TFB2M: variants seen among roughly 807,000 people sequenced by gnomAD.
The protein encoded by TFB2M is transcription factor B2, mitochondrial.
In TFB2M, 44 loss-of-function variants were observed where a neutral mutation model predicts 41.3. That is an observed-to-expected ratio of 1.07 (90% CI 0.84 to 1.37). The LOEUF is 1.37. TFB2M is among the 40% of genes most tolerant of loss of function. TFB2M has a pLI of 0.00. For missense variants in TFB2M, 496 were observed against 490.2 expected (o/e 1.01, Z -0.11); for synonymous variants, 188 against 176.8 (o/e 1.06, Z -0.50).
At chr1:246,545,811 C>G (rs1329680389) in intron 6 of TFB2M, among the ~76,000 whole-genome samples, 6 of 51,412 alleles carry the variant, frequency 1.2e-4, no homozygotes, top group Non-Finnish European at 1.7e-4. Flanking sequence ...GACCCTGATT[C>G]GAAAAAAAAA....
intron 2 of TFB2M, among the ~76,000 whole-genome samples, chr1:246,561,830 C>A (rs527822675): frequency 6.6e-6 from 1 of 152,132 alleles, no homozygotes; most frequent in South Asian, 2.1e-4. Flanking sequence ...TAAATAGAAA[C>A]AAAGACATTT....
rs759991572 is a variant in TFB2M at position 246,566,140 on chromosome 1, T to A, written c.-2A>T. Reference sequence around the variant, plus strand: ...AAGCCCGACCACTGGGATCCACATGTCCTTGTCTCTCAGGCCCGCTCCAAG... The same window carrying A: ...AAGCCCGACCACTGGGATCCACATGACCTTGTCTCTCAGGCCCGCTCCAAG... On this transcript the variant is annotated 5_prime_UTR_variant, in exon 1 of 8. Coordinates refer to ENST00000366514, the MANE Select transcript of TFB2M (RefSeq NM_022366.3). The A allele has an allele frequency of 1.2e-6, 2 of 1,603,776 alleles. No individual in the cohort carries two copies. Among genetic ancestry groups the A allele is most frequent in the Non-Finnish European group, 1.7e-6 (2 of 1,172,506 alleles).
At chr1:246,559,113 C>CT (rs1429828877) in intron 2 of TFB2M, among the ~76,000 whole-genome samples, 4 of 152,066 alleles carry the variant, frequency 2.6e-5, no homozygotes, top group Non-Finnish European at 5.9e-5. Flanking sequence ...TAGTAAAATA[C>CT]TTTTTCTTCT....
chr1:246,564,627 A>G (rs185571030), intron 1 of TFB2M, among the ~76,000 whole-genome samples, 193 bp from the exon 2 acceptor site: 1 of 152,326 alleles, frequency 6.6e-6, no homozygotes, highest in African/African-American at 2.4e-5. Context: ...TCCAGCGTCA[A>G]AAGTGATGCA....
intron 7 of TFB2M, among the ~76,000 whole-genome samples, chr1:246,542,739 A>G (rs1658896973): frequency 6.6e-6 from 1 of 152,178 alleles, no homozygotes; most frequent in Non-Finnish European, 1.5e-5. Flanking sequence ...CACTGAGATT[A>G]CCAGGAGCAT....
In TFB2M at chr1:246,566,124, C is replaced by T. The variant is rs751921867; in HGVS notation, c.15G>A (p.Val5=). 6.2e-7 allele frequency: 1 copy of T among 1,609,604 alleles called. No homozygotes were observed. The highest frequency in any genetic ancestry group is 8.5e-7 in the Non-Finnish European group (1 of 1,176,830). MWIP[V]VGLPRRLRLS... ...GCCTCAGCCGCCGAGGAAGCCCGACCACTGGGATCCACATGTCCTTGTCTC... is the reference window on the plus strand; with the variant it reads ...GCCTCAGCCGCCGAGGAAGCCCGACTACTGGGATCCACATGTCCTTGTCTC... Residue 5 remains valine (V), a synonymous_variant, in exon 1 of 8, where the codon GTG becomes GTA. Transcript: ENST00000366514.
At chr1:246,562,336 T>C (rs1659478255) in intron 2 of TFB2M, among the ~76,000 whole-genome samples, 1 of 152,228 alleles carries the variant, frequency 6.6e-6, no homozygotes, top group Non-Finnish European at 1.5e-5. Flanking sequence ...GGATTTCCAC[T>C]TCTTCATTGT....
intron 2 of TFB2M, among the ~76,000 whole-genome samples, chr1:246,558,731 C>T (rs1330198317): frequency 1.3e-5 from 2 of 151,344 alleles, no homozygotes; most frequent in Non-Finnish European, 3.0e-5. Context: ...AATAAATGAA[C>T]TTAGCTCATC....
intron 4 of TFB2M, among the ~76,000 whole-genome samples, chr1:246,553,184 G>A (rs947941340): frequency 2.0e-5 from 3 of 152,098 alleles, no homozygotes; most frequent in African/African-American, 7.2e-5. Context: ...TTGCGCCACT[G>A]CACTCCAGCC....
At chr1:246,544,221 C>A (rs976409340) in intron 7 of TFB2M, among the ~76,000 whole-genome samples, 1 of 152,174 alleles carries the variant, frequency 6.6e-6, no homozygotes, top group East Asian at 1.9e-4. Flanking sequence ...CTCTCCACCC[C>A]ACTAGTGGTA....
Position 246,544,678 on chromosome 1 carries a change from A to T in TFB2M, c.862T>A (p.Leu288Ile), listed in dbSNP as rs1474223751. ...GPLENPKRRE[L>I]LDQLQQKLYL... ...AGCTTTTGTTGTAATTGGTCTAATA[A>T]TTCCTGGAGAGAAGAAAAAATGAAT... Residue 288 changes from leucine to isoleucine, a missense_variant, in exon 7 of 8, where the codon TTA (leucine) becomes ATA (isoleucine). Coordinates refer to ENST00000366514, the MANE Select transcript of TFB2M (RefSeq NM_022366.3). The T allele has an allele frequency of 6.3e-7, 1 of 1,584,918 alleles. No individual in the cohort carries two copies. Among genetic ancestry groups the T allele is most frequent in the Non-Finnish European group, 8.5e-7 (1 of 1,172,598 alleles).
At chr1:246,560,390 G>C (rs1338407506) in intron 2 of TFB2M, among the ~76,000 whole-genome samples, 1 of 152,154 alleles carries the variant, frequency 6.6e-6, no homozygotes, top group Non-Finnish European at 1.5e-5. Flanking sequence ...AGGTGTGGGG[G>C]CGTGTGCCTG....
At chr1:246,564,541 T>C in intron 1 of TFB2M, 107 bp from the exon 2 acceptor site, 1 of 981,196 alleles carries the variant, frequency 1.0e-6, no homozygotes, top group Non-Finnish European at 1.6e-6. Context: ...TTTTTAAATC[T>C]GACAGCATCC....
chr1:246,546,962 T>TACACACACACACACACACACACACACAC lies in TFB2M; in HGVS notation c.858+1582_858+1583insGTGTGTGTGTGTGTGTGTGTGTGTGTGT, dbSNP rs1191913962. 1.9e-3 allele frequency among the ~76,000 whole-genome samples: 139 copies of TACACACACACACACACACACACACACAC among 73,998 alleles called. 2 individuals are homozygous for TACACACACACACACACACACACACACAC. The highest frequency in any genetic ancestry group is 4.6e-3 in the African/African-American group (135 of 29,552). 48.5% of individuals were successfully genotyped at this position (73,998 alleles called of 152,430 possible). On this transcript the variant is annotated intron_variant, in intron 6 of 7. Transcript: ENST00000366514. ...TCATCCCTAAAAGTTTATATATGTA[T>TACACACACACACACACACACACACACAC]ATATACACACACACACACACATTTT...
chr1:246,543,647 T>C (rs544672318), intron 7 of TFB2M, among the ~76,000 whole-genome samples: 59 of 152,160 alleles, frequency 3.9e-4, no homozygotes, highest in South Asian at 3.5e-3. Flanking sequence ...ACAAATTACA[T>C]GGATGGCCAG....
At chr1:246,544,997 G>A (rs557512235) in intron 6 of TFB2M, among the ~76,000 whole-genome samples, 4 of 151,776 alleles carry the variant, frequency 2.6e-5, no homozygotes, top group Admixed American at 1.3e-4. Context: ...AGTAGAGATG[G>A]GGTTTCACCG....
Position 246,565,991 on chromosome 1 carries a change from G to A in TFB2M, c.148C>T (p.Gln50Ter), listed in dbSNP as rs1170034552. ...CTGAAATCCGGTTCGGGCCACAGCTGCGGAGAGGAGTCAGAGAGCCCACAG... is the reference window on the plus strand; with the variant it reads ...CTGAAATCCGGTTCGGGCCACAGCTACGGAGAGGAGTCAGAGAGCCCACAG... The part of the protein sequence containing the change: ...NHCGLSDSSP[Q>*]LWPEPDFRNP... Residue 50 changes from glutamine to a stop codon, truncating the protein, a stop_gained, in exon 1 of 8, where the codon CAG (glutamine) becomes TAG (stop). Transcript: ENST00000366514. LOFTEE classifies it high-confidence loss of function. The A allele has an allele frequency of 6.2e-7, 1 of 1,614,086 alleles. No homozygotes were observed. The highest frequency in any genetic ancestry group is 1.3e-5 in the African/African-American group (1 of 74,936).
At chr1:246,561,980 C>T (rs1395425206) in intron 2 of TFB2M, among the ~76,000 whole-genome samples, 1 of 152,042 alleles carries the variant, frequency 6.6e-6, no homozygotes, top group African/African-American at 2.4e-5. Context: ...TTTACTGAAT[C>T]ACATTTCAGG....
At chr1:246,558,044 AAC>A (rs1184687537) in intron 2 of TFB2M, among the ~76,000 whole-genome samples, 1 of 152,212 alleles carries the variant, frequency 6.6e-6, no homozygotes, top group African/African-American at 2.4e-5. Flanking sequence ...CCCAAAATTT[AAC>A]AGAGGAAGTA....
Sources: gnomAD v4.1 joint callset for allele counts (sites outside exome capture counted in the v4.1 genomes callset) on GRCh38, gnomAD v4.1.1 for gene constraint, MANE v1.5 for transcripts, NCBI Gene and HGNC (gene_info 2026-07-23, HGNC 2026-07-21) for gene names.